Variants in MARCHF5 observed in about 807,000 individuals in gnomAD.
MARCHF5 encodes the protein E3 ubiquitin-protein ligase MARCHF5.
In MARCHF5, 5 loss-of-function variants were observed where a neutral mutation model predicts 36.5. The ratio of observed to expected loss-of-function variants is 0.14; its 90% confidence interval spans 0.07 to 0.29. The LOEUF is 0.29. Among genes scored for constraint, MARCHF5 ranks in the 10% least tolerant of loss-of-function variants. The probability of loss-of-function intolerance (pLI) is 1.00; values close to 1 mark genes in which losing one functional copy is unlikely to be tolerated. For synonymous variants in MARCHF5, 103 were observed against 109.9 expected, an observed-to-expected ratio of 0.94 and a Z score of 0.39; for missense variants, 179 against 336.3, an observed-to-expected ratio of 0.53 and a Z score of 3.66.
At chr10:92,296,334 T>C (rs1468652040) in intron 1 of MARCHF5, among the ~76,000 whole-genome samples, 6 of 152,204 alleles carry the variant, frequency 3.9e-5, no homozygotes. Flanking sequence ...GTCACAAATA[T>C]CATTTCCCTG....
chr10:92,307,413 G>A (rs756598251), intron 1 of MARCHF5, among the ~76,000 whole-genome samples: 8 of 152,046 alleles, frequency 5.3e-5, no homozygotes, highest in Non-Finnish European at 1.2e-4. Context: ...TAGTAAGATA[G>A]CAAATCAGTT....
At chr10:92,297,511 C>CA (rs1359497297) in intron 1 of MARCHF5, among the ~76,000 whole-genome samples, 28 of 120,812 alleles carry the variant, frequency 2.3e-4, no homozygotes, top group African/African-American at 8.8e-4. Flanking sequence ...TTTTTTGAGA[C>CA]AGAGTCTCAC....
chr10:92,328,553 G>C (rs1201997880), intron 2 of MARCHF5, among the ~76,000 whole-genome samples: 1 of 151,144 alleles, frequency 6.6e-6, no homozygotes, highest in Non-Finnish European at 1.5e-5. Flanking sequence ...CTCTACCTAA[G>C]TGGTTATTCT....
In MARCHF5 at chr10:92,335,622, TC is replaced by T. The variant is rs1843492867; in HGVS notation, c.239-5050del. Among the ~76,000 whole-genome samples the T allele has an allele frequency of 1.3e-5, 2 of 152,218 alleles. 1 individual carries two copies. Among genetic ancestry groups the T allele is most frequent in the South Asian group, 4.1e-4 (2 of 4,832 alleles). The stretch of plus-strand genomic sequence containing the variant: ...AAATGCAACCTTTGCCTCCATTTTA[TC>T]TGGTACATCTTTTGCCTATAACACA... On this transcript the variant is annotated intron_variant, in intron 2 of 5. Transcript: ENST00000358935.
intron 2 of MARCHF5, among the ~76,000 whole-genome samples, chr10:92,318,203 G>C (rs1387421844): frequency 6.6e-6 from 1 of 152,108 alleles, no homozygotes; most frequent in Admixed American, 6.6e-5. Context: ...GAGGCAGGCA[G>C]ATTGCTTGAG....
At chr10:92,308,888 G>C (rs1407905085) in intron 1 of MARCHF5, among the ~76,000 whole-genome samples, 1 of 152,006 alleles carries the variant, frequency 6.6e-6, no homozygotes, top group Non-Finnish European at 1.5e-5. Context: ...TGTATTTTTA[G>C]TAGAGACAGG....
intron 2 of MARCHF5, among the ~76,000 whole-genome samples, chr10:92,323,228 T>C (rs992693920): frequency 6.6e-6 from 1 of 152,136 alleles, no homozygotes; most frequent in Non-Finnish European, 1.5e-5. Flanking sequence ...TTCTGTTATT[T>C]TTAAATAGAT....
At chr10:92,306,977 G>GAGT (rs1590648521) in intron 1 of MARCHF5, among the ~76,000 whole-genome samples, 1 of 152,102 alleles carries the variant, frequency 6.6e-6, no homozygotes, top group East Asian at 1.9e-4. Flanking sequence ...TTGCACCACT[G>GAGT]CACTCCAGCC....
intron 2 of MARCHF5, among the ~76,000 whole-genome samples, chr10:92,317,898 A>C (rs1374335470): frequency 1.3e-5 from 2 of 151,832 alleles, no homozygotes; most frequent in East Asian, 3.9e-4. Flanking sequence ...TTACAGGCAC[A>C]CGCCACCATG....
intron 2 of MARCHF5, among the ~76,000 whole-genome samples, chr10:92,315,479 A>G (rs1467850672): frequency 6.6e-6 from 1 of 152,240 alleles, no homozygotes; most frequent in African/African-American, 2.4e-5. Flanking sequence ...CAGAATTCAT[A>G]GTGGAGGCTT....
intron 1 of MARCHF5, among the ~76,000 whole-genome samples, chr10:92,306,586 A>G (rs11592691): frequency 0.081 from 12,304 of 152,314 alleles, 636 homozygotes; most frequent in East Asian, 0.19. Context: ...GCTCTTCTCC[A>G]TCTTAAAAGG....
At chr10:92,350,725 C>T (rs190191183) in intron 5 of MARCHF5, among the ~76,000 whole-genome samples, 1 of 152,286 alleles carries the variant, frequency 6.6e-6, no homozygotes, top group East Asian at 1.9e-4. Flanking sequence ...ATATAGCCTC[C>T]AGTGGAATGC....
chr10:92,299,380 A>T (rs900809235), intron 1 of MARCHF5, among the ~76,000 whole-genome samples: 3 of 152,092 alleles, frequency 2.0e-5, no homozygotes, highest in Non-Finnish European at 2.9e-5. Context: ...TCCAGCCCCA[A>T]CCTACCTTAA....
At chr10:92,317,300 C>T (rs1187420080) in intron 2 of MARCHF5, among the ~76,000 whole-genome samples, 1 of 152,084 alleles carries the variant, frequency 6.6e-6, no homozygotes, top group African/African-American at 2.4e-5. Flanking sequence ...GGTTTCACCA[C>T]GTTGCCCAGG....
intron 1 of MARCHF5, among the ~76,000 whole-genome samples, chr10:92,306,528 C>T (rs1264113606): frequency 1.3e-5 from 2 of 152,146 alleles, no homozygotes; most frequent in African/African-American, 4.8e-5. Flanking sequence ...TCTACTGTCC[C>T]CTCCATTCCA....
intron 2 of MARCHF5, among the ~76,000 whole-genome samples, chr10:92,316,521 C>G (rs1303332632): frequency 6.6e-6 from 1 of 152,108 alleles, no homozygotes; most frequent in African/African-American, 2.4e-5. Flanking sequence ...GAACACCACC[C>G]CCTTCCTCCA....
At chr10:92,297,449 A>T (rs1427630761) in intron 1 of MARCHF5, among the ~76,000 whole-genome samples, 2 of 141,818 alleles carry the variant, frequency 1.4e-5, no homozygotes, top group Non-Finnish European at 3.0e-5. Context: ...AAAGTGGGGG[A>T]CTACAGGTGT....
intron 2 of MARCHF5, among the ~76,000 whole-genome samples, chr10:92,329,666 A>G (rs1843414416): frequency 6.6e-6 from 1 of 152,212 alleles, no homozygotes; most frequent in Admixed American, 6.5e-5. Flanking sequence ...CTCTCTTCAT[A>G]TTAATAAAAG....
intron 2 of MARCHF5, among the ~76,000 whole-genome samples, chr10:92,326,383 T>C (rs1353306667): frequency 3.3e-5 from 5 of 152,092 alleles, no homozygotes; most frequent in Non-Finnish European, 7.4e-5. Context: ...AGCAAATTTA[T>C]GTAATGGAAG....
Sources: allele counts gnomAD v4.1 joint callset (sites outside exome capture counted in the v4.1 genomes callset), GRCh38; gene constraint gnomAD v4.1.1; transcripts MANE v1.5; gene names NCBI Gene and HGNC (gene_info 2026-07-23, HGNC 2026-07-21).